SDK1: variants seen among roughly 807,000 people sequenced by gnomAD.
SDK1 encodes the protein protein sidekick-1.
A neutral mutation model predicts 245.5 loss-of-function variants in SDK1; 157 were observed. The observed-to-expected ratio is 0.64, with a 90% confidence interval of 0.56 to 0.73. The LOEUF (loss-of-function observed/expected upper bound fraction) is 0.73, where lower values mean the gene tolerates loss of function less well. SDK1 is among the 30% of genes least tolerant of loss of function. The pLI is 0.00. For missense variants in SDK1, 3,583 were observed against 3,002.3 expected (o/e 1.19, Z -4.52); for synonymous variants, 1,647 against 1,278.5 (o/e 1.29, Z -6.15).
intron 4 of SDK1, among the ~76,000 whole-genome samples, chr7:3,745,846 C>G (rs1562412944): frequency 6.6e-6 from 1 of 152,052 alleles, no homozygotes; most frequent in Non-Finnish European, 1.5e-5. Flanking sequence ...TGAGAAAAAT[C>G]CAAAATAATG....
At chr7:3,468,153 A>T (rs1781067967) in intron 1 of SDK1, among the ~76,000 whole-genome samples, 1 of 152,190 alleles carries the variant, frequency 6.6e-6, no homozygotes, top group Admixed American at 6.5e-5. Flanking sequence ...TATGTTTGAC[A>T]TTCCTTTAGT....
At chr7:3,676,978 C>T (rs1243149506) in intron 4 of SDK1, among the ~76,000 whole-genome samples, 1 of 152,168 alleles carries the variant, frequency 6.6e-6, no homozygotes, top group Non-Finnish European at 1.5e-5. Flanking sequence ...TCTCTAACCT[C>T]ATCTTTTACC....
intron 4 of SDK1, among the ~76,000 whole-genome samples, chr7:3,752,473 T>A (rs1244342763): frequency 6.6e-6 from 1 of 152,200 alleles, no homozygotes; most frequent in African/African-American, 2.4e-5. Flanking sequence ...ATGGGGAAAC[T>A]TGACTTGTTA....
chr7:3,609,026 T>C (rs1781507802), intron 1 of SDK1, among the ~76,000 whole-genome samples: 1 of 152,068 alleles, frequency 6.6e-6, no homozygotes, highest in East Asian at 1.9e-4. Flanking sequence ...ACTGGAAAAA[T>C]TTGAAAAAGG....
chr7:3,856,928 G>A (rs1276006224), intron 5 of SDK1, among the ~76,000 whole-genome samples: 1 of 152,154 alleles, frequency 6.6e-6, no homozygotes, highest in Admixed American at 6.6e-5. Context: ...AAGGTAAACA[G>A]TGTTAAAAGG....
intron 25 of SDK1, among the ~76,000 whole-genome samples, chr7:4,115,290 C>G (rs1783628965): frequency 6.6e-6 from 1 of 152,164 alleles, no homozygotes; most frequent in Non-Finnish European, 1.5e-5. Context: ...AGGGGCTGTT[C>G]ATTCTGGACT....
Position 3,788,735 on chromosome 7 carries a change from C to T in SDK1, c.714-32715C>T, listed in dbSNP as rs1006780505. Among the ~76,000 whole-genome samples the T allele has an allele frequency of 3.9e-5, 6 of 152,146 alleles. 1 individual carries two copies. Among genetic ancestry groups the T allele is most frequent in the South Asian group, 4.2e-4 (2 of 4,818 alleles). On this transcript the variant is annotated intron_variant, in intron 4 of 44. Coordinates refer to ENST00000404826, the MANE Select transcript of SDK1 (RefSeq NM_152744.4). The stretch of plus-strand genomic sequence containing the variant: ...GTTGGGCTGTGTTCAAAGCAGTCCG[C>T]GGGTTGGGCAAGCTTGCTTTAAGTC...
intron 44 of SDK1, among the ~76,000 whole-genome samples, chr7:4,246,919 C>T (rs935026278): frequency 3.9e-5 from 6 of 152,150 alleles, no homozygotes; most frequent in African/African-American, 1.2e-4. Flanking sequence ...AAGGCAGCCA[C>T]GAGGGGGCTC....
At chr7:3,764,594 A>G (rs1583390251) in intron 4 of SDK1, among the ~76,000 whole-genome samples, 1 of 152,266 alleles carries the variant, frequency 6.6e-6, no homozygotes, top group East Asian at 1.9e-4. Context: ...AGGCAAGAGA[A>G]TTGCTGGAAT....
At chr7:3,707,335 T>G (rs1784919418) in intron 4 of SDK1, among the ~76,000 whole-genome samples, 1 of 152,242 alleles carries the variant, frequency 6.6e-6, no homozygotes, top group African/African-American at 2.4e-5. Flanking sequence ...AGCAGGTTGT[T>G]TAATTTACAT....
At chr7:3,606,628 A>T (rs567562693) in intron 1 of SDK1, among the ~76,000 whole-genome samples, 14 of 152,260 alleles carry the variant, frequency 9.2e-5, no homozygotes, top group African/African-American at 3.4e-4. Context: ...TCCTGCTGTC[A>T]GGAAACCTGA....
intron 2 of SDK1, among the ~76,000 whole-genome samples, chr7:3,637,578 G>A (rs1278945991): frequency 1.3e-5 from 2 of 152,138 alleles, no homozygotes; most frequent in Non-Finnish European, 2.9e-5. Context: ...TTACTTGCTG[G>A]TGGATTTTAA....
chr7:4,159,123 T>A (rs905699002), intron 31 of SDK1, among the ~76,000 whole-genome samples: 25 of 152,214 alleles, frequency 1.6e-4, no homozygotes, highest in African/African-American at 5.1e-4. Flanking sequence ...GGGTAATAGC[T>A]CAGCTCCCAG....
chr7:4,078,275 G>A (rs965673586), intron 21 of SDK1, among the ~76,000 whole-genome samples: 12 of 152,320 alleles, frequency 7.9e-5, no homozygotes, highest in South Asian at 6.2e-4. Context: ...ATCAAATGGC[G>A]AGGACTGCTT....
chr7:3,552,424 G>A (rs1779448983), intron 1 of SDK1, among the ~76,000 whole-genome samples: 1 of 152,138 alleles, frequency 6.6e-6, no homozygotes, highest in Non-Finnish European at 1.5e-5. Context: ...TGCTCACTCA[G>A]CCACTCTTTT....
Position 3,301,839 on chromosome 7 carries a change from G to C in SDK1, c.253G>C (p.Ala85Pro), listed in dbSNP as rs1422049630. 1.8e-6 allele frequency: 2 copies of C among 1,130,036 alleles called. No individual in the cohort carries two copies. The highest frequency in any genetic ancestry group is 4.3e-5 in the South Asian group (1 of 23,480). 70.0% of individuals were successfully genotyped at this position (1,130,036 alleles called of 1,614,324 possible). A position where few individuals can be genotyped will look rare whatever the true frequency, so the allele number is the denominator to read the frequency against. Residue 85 changes from alanine (A) to proline (P), a missense_variant, in exon 1 of 45, where the codon GCG becomes CCG. Transcript: ENST00000404826. ...GGGGCCGGGCCGCCGCGGCTGGTGG[G>C]CGCTGCTGGCGCTGCAGCTGCACTT... is the stretch of plus-strand genomic sequence containing the variant. Reference protein sequence around the residue: ...KLGPGRRGWWALLALQLHLLR... With the variant: ...KLGPGRRGWWPLLALQLHLLR...
intron 4 of SDK1, among the ~76,000 whole-genome samples, chr7:3,742,369 T>C (rs1779501819): frequency 6.6e-6 from 1 of 152,146 alleles, no homozygotes; most frequent in Admixed American, 6.5e-5. Context: ...ATTTTCCTTG[T>C]GAACGTGTTC....
intron 28 of SDK1, among the ~76,000 whole-genome samples, chr7:4,140,718 G>A (rs1344670876): frequency 6.6e-6 from 1 of 152,124 alleles, no homozygotes; most frequent in Admixed American, 6.5e-5. Context: ...AGGAATATCT[G>A]CCTGGGGAAT....
At chr7:3,726,453 A>G (rs1441473259) in intron 4 of SDK1, among the ~76,000 whole-genome samples, 1 of 152,226 alleles carries the variant, frequency 6.6e-6, no homozygotes, top group Non-Finnish European at 1.5e-5. Flanking sequence ...TTTGAGGCCC[A>G]ACTCTCACCC....
Sources: allele counts gnomAD v4.1 joint callset (sites outside exome capture counted in the v4.1 genomes callset), GRCh38; gene constraint gnomAD v4.1.1; transcripts MANE v1.5; gene names NCBI Gene and HGNC (gene_info 2026-07-23, HGNC 2026-07-21).